Variants in METTL16 observed in about 807,000 individuals in gnomAD.
METTL16 encodes the protein methyltransferase 16, RNA N6-adenosine.
A neutral mutation model predicts 57.9 loss-of-function variants in METTL16; 19 were observed. That is an observed-to-expected ratio of 0.33 (90% confidence interval 0.23 to 0.48). The LOEUF (loss-of-function observed/expected upper bound fraction) is 0.48. METTL16 is among the 20% of genes least tolerant of loss of function. The pLI is 0.99. For missense variants in METTL16, 434 were observed against 691.5 expected (o/e 0.63, Z 4.18); for synonymous variants, 246 against 255.6 (o/e 0.96, Z 0.36).
At chr17:2,505,423 TTTTTTTTTA>T (rs1235905590) in intron 1 of METTL16, among the ~76,000 whole-genome samples, 8 of 117,520 alleles carry the variant, frequency 6.8e-5, no homozygotes, top group African/African-American at 2.2e-4. Flanking sequence ...TTTTTTTTTT[TTTTTTTTTA>T]GATACATGGT....
chr17:2,432,755 A>G (rs2066882515), intron 8 of METTL16, among the ~76,000 whole-genome samples: 1 of 152,168 alleles, frequency 6.6e-6, no homozygotes, highest in African/African-American at 2.4e-5. Context: ...TAACAAATAC[A>G]GGGGCAGGTG....
intron 8 of METTL16, among the ~76,000 whole-genome samples, chr17:2,432,210 A>C (rs1163290171): frequency 6.6e-6 from 1 of 152,172 alleles, no homozygotes; most frequent in Non-Finnish European, 1.5e-5. Context: ...TTGGCCTCCC[A>C]AAGTGCTGGG....
chr17:2,421,080 G>T (rs1041788626), intron 8 of METTL16, among the ~76,000 whole-genome samples, 176 bp from the exon 9 acceptor site: 2 of 152,214 alleles, frequency 1.3e-5, no homozygotes, highest in African/African-American at 4.8e-5. Flanking sequence ...CCTGCAAGGT[G>T]CAGTCATTCA....
chr17:2,489,734 A>AAAAAAAAAAC lies in METTL16; in HGVS notation c.129-11850_129-11849insGTTTTTTTTT, dbSNP rs1408341143. Among the ~76,000 whole-genome samples the AAAAAAAAAAC allele has an allele frequency of 9.5e-5, 14 of 146,696 alleles. 3 individuals carry two copies. The highest frequency in any genetic ancestry group is 2.1e-4 in the Non-Finnish European group (14 of 65,604). On this transcript the variant is annotated intron_variant, in intron 2 of 9. Transcript: ENST00000263092. ...AGCCTGGATGACAGAGCGAGACTCA[A>AAAAAAAAAAC]AAAAAAAAAAAAAAACGAATACTGC... is the stretch of plus-strand genomic sequence containing the variant.
chr17:2,464,137 A>G, intron 6 of METTL16, 71 bp downstream of exon 6: 2 of 1,492,730 alleles, frequency 1.3e-6, no homozygotes, highest in Non-Finnish European at 1.8e-6. Flanking sequence ...CACCAAAAAA[A>G]AGAGAACTAC....
intron 8 of METTL16, among the ~76,000 whole-genome samples, chr17:2,424,935 G>T (rs998371259): frequency 1.3e-5 from 2 of 150,656 alleles, no homozygotes; most frequent in East Asian, 2.0e-4. Flanking sequence ...GTGACAGAGC[G>T]AGACTCCGTC....
chr17:2,441,581 A>T (rs746412908), intron 6 of METTL16, 22 bp from the exon 7 acceptor site: 1 of 1,514,288 alleles, frequency 6.6e-7, no homozygotes, highest in East Asian at 2.3e-5. Context: ...AAAATCAGAC[A>T]AGTAAATACG....
chr17:2,506,831 A>G (rs2067541220), intron 1 of METTL16, among the ~76,000 whole-genome samples: 3 of 144,938 alleles, frequency 2.1e-5, no homozygotes, highest in Admixed American at 6.8e-5. Flanking sequence ...CATCCCATCT[A>G]GGAAGTGAGG....
chr17:2,443,038 G>A (rs1475232793), intron 6 of METTL16, among the ~76,000 whole-genome samples: 1 of 151,968 alleles, frequency 6.6e-6, no homozygotes, highest in Non-Finnish European at 1.5e-5. Flanking sequence ...CGCCCAGGCT[G>A]GAGTGCAGTG....
chr17:2,492,421 T>A (rs2067405363), intron 2 of METTL16, among the ~76,000 whole-genome samples: 1 of 152,018 alleles, frequency 6.6e-6, no homozygotes. Context: ...AGAGTAGCAA[T>A]CCTTGCCACC....
chr17:2,505,158 T>TTA lies in METTL16; in HGVS notation c.1-2829_1-2828dup, dbSNP rs374204937. Among the ~76,000 whole-genome samples the TTA allele has an allele frequency of 6.2e-3, 938 of 151,196 alleles. 5 individuals are homozygous for TTA. Among genetic ancestry groups the TTA allele is most frequent in the African/African-American group, 0.021 (886 of 41,260 alleles). ...TGGTAATTTAAAAAATATTTTACTA[T>TTA]TATATATATATATATCTCTCTCTGG... On this transcript the variant is annotated intron_variant, in intron 1 of 9. Transcript: ENST00000263092.
intron 6 of METTL16, among the ~76,000 whole-genome samples, chr17:2,453,454 C>T (rs2067085361): frequency 6.6e-6 from 1 of 152,194 alleles, no homozygotes; most frequent in Non-Finnish European, 1.5e-5. Flanking sequence ...GAAGTTTCCA[C>T]GTCATTGGAT....
intron 2 of METTL16, among the ~76,000 whole-genome samples, chr17:2,480,185 C>CAAAAA (rs953770502): frequency 1.1e-4 from 7 of 61,592 alleles, no homozygotes; most frequent in South Asian, 5.7e-4. Flanking sequence ...GACTCTGTCT[C>CAAAAA]AAAAAAAAAA....
At chr17:2,491,840 A>G (rs889432861) in intron 2 of METTL16, among the ~76,000 whole-genome samples, 2 of 138,394 alleles carry the variant, frequency 1.4e-5, no homozygotes, top group Non-Finnish European at 3.1e-5. Flanking sequence ...GCGCCACTGC[A>G]CTCCAGCCTG....
At chr17:2,492,498 T>A (rs2067406209) in intron 2 of METTL16, among the ~76,000 whole-genome samples, 1 of 152,138 alleles carries the variant, frequency 6.6e-6, no homozygotes, top group Non-Finnish European at 1.5e-5. Context: ...AGAATGCTAG[T>A]CATTCTACAC....
chr17:2,503,149 G>C (rs1408707573), intron 1 of METTL16, among the ~76,000 whole-genome samples: 3 of 152,212 alleles, frequency 2.0e-5, no homozygotes, highest in African/African-American at 7.2e-5. Flanking sequence ...TTGTACAGCA[G>C]TGTTCATAGT....
chr17:2,468,293 T>C (rs930410162), intron 4 of METTL16, among the ~76,000 whole-genome samples: 9 of 152,224 alleles, frequency 5.9e-5, no homozygotes, highest in Non-Finnish European at 1.2e-4. Flanking sequence ...CTTCAGGAGA[T>C]GGAGTTTAAT....
chr17:2,482,414 G>A (rs1348369432), intron 2 of METTL16, among the ~76,000 whole-genome samples: 3 of 152,270 alleles, frequency 2.0e-5, no homozygotes, highest in East Asian at 3.9e-4. Flanking sequence ...TTTAACCAGA[G>A]AGCTAAGATG....
intron 1 of METTL16, among the ~76,000 whole-genome samples, chr17:2,505,303 C>A (rs1316266070): frequency 6.6e-6 from 1 of 150,456 alleles, no homozygotes; most frequent in Admixed American, 6.6e-5. Context: ...TTTCTCATAT[C>A]CAAGAAATCA....
Sources: allele counts gnomAD v4.1 joint callset (sites outside exome capture counted in the v4.1 genomes callset), GRCh38; gene constraint gnomAD v4.1.1; transcripts MANE v1.5; gene names NCBI Gene and HGNC (gene_info 2026-07-23, HGNC 2026-07-21).